The following OPCML variants were observed in gnomAD, a reference collection of about 807,000 sequenced individuals.
The protein encoded by OPCML is opioid-binding protein/cell adhesion molecule.
Under a neutral mutation model 37.8 loss-of-function variants are expected in OPCML, and 13 were observed. The ratio of observed to expected loss-of-function variants is 0.34; its 90% CI spans 0.22 to 0.55. The LOEUF is 0.55. Among genes scored for constraint, OPCML ranks in the 20% least tolerant of loss-of-function variants. The pLI, the probability that OPCML is intolerant of heterozygous loss-of-function variation, is 0.91. For synonymous variants in OPCML, 176 were observed against 168.8 expected (o/e 1.04, Z -0.33); for missense variants, 341 against 435.6 (o/e 0.78, Z 1.93).
intron 2 of OPCML, among the ~76,000 whole-genome samples, chr11:132,661,255 A>C (rs538507227): frequency 6.6e-6 from 1 of 152,270 alleles, no homozygotes; most frequent in African/African-American, 2.4e-5. Flanking sequence ...ACTGAGTAAA[A>C]GCCATCTCTC....
chr11:133,373,832 C>T (rs917948895), intron 1 of OPCML, among the ~76,000 whole-genome samples: 1 of 152,086 alleles, frequency 6.6e-6, no homozygotes, highest in East Asian at 1.9e-4. Context: ...TATATAAACT[C>T]ACTGTCATTG....
intron 3 of OPCML, among the ~76,000 whole-genome samples, chr11:132,648,923 C>T (rs1056585573): frequency 4.6e-5 from 7 of 152,062 alleles, no homozygotes; most frequent in African/African-American, 1.4e-4. Flanking sequence ...TATAAGTGTC[C>T]GAGGAGAAAT....
At chr11:132,454,008 T>C (rs1184608944) in intron 4 of OPCML, among the ~76,000 whole-genome samples, 1 of 152,198 alleles carries the variant, frequency 6.6e-6, no homozygotes, top group Non-Finnish European at 1.5e-5. Context: ...ATTTTCATGT[T>C]TTGCCTTCTC....
At chr11:132,884,898 G>C (rs75820308) in intron 2 of OPCML, among the ~76,000 whole-genome samples, 4 of 152,152 alleles carry the variant, frequency 2.6e-5, no homozygotes, top group African/African-American at 9.7e-5. Flanking sequence ...ATAGGAGACC[G>C]TTGCCAAAAA....
chr11:133,187,838 A>G (rs1938154235), intron 1 of OPCML, among the ~76,000 whole-genome samples: 2 of 152,208 alleles, frequency 1.3e-5, no homozygotes, highest in South Asian at 2.1e-4. Flanking sequence ...TACAGATGGA[A>G]CTGTCACATG....
intron 1 of OPCML, among the ~76,000 whole-genome samples, chr11:133,474,085 A>C (rs1169102638): frequency 3.3e-5 from 5 of 152,174 alleles, no homozygotes; most frequent in Admixed American, 2.0e-4. Context: ...ATTTTTTCCT[A>C]CTTGTTATTT....
intron 1 of OPCML, among the ~76,000 whole-genome samples, chr11:133,037,818 A>G: frequency 6.6e-6 from 1 of 152,218 alleles, no homozygotes; most frequent in East Asian, 1.9e-4. Flanking sequence ...AAAAGGGCCA[A>G]GACTTTAAAT....
chr11:132,959,530 A>ATC (rs1946044995), intron 1 of OPCML, among the ~76,000 whole-genome samples: 2 of 152,332 alleles, frequency 1.3e-5, no homozygotes, highest in South Asian at 4.2e-4. Flanking sequence ...CTACAGAGCA[A>ATC]TCTTTCGGGA....
rs1358627656 is a variant in OPCML at position 132,640,298 on chromosome 11, C to CAAA, written c.379+16786_379+16788dup. Reference sequence around the variant, plus strand: ...AGTGCGTGGCTTGGTAGGATGGAAGCAAAAATTAGGAACCCCGGGATAAGC... The same window carrying CAAA: ...AGTGCGTGGCTTGGTAGGATGGAAGCAAAAAAAATTAGGAACCCCGGGATAAGC... On this transcript the variant is annotated intron_variant, in intron 3 of 7. Coordinates refer to ENST00000524381, the MANE Select transcript of OPCML (RefSeq NM_001012393.5). 3.0e-3 allele frequency among the ~76,000 whole-genome samples: 457 copies of CAAA among 151,494 alleles called. 8 individuals carry two copies. The South Asian group carries it at 0.033, about 11-fold the overall frequency.
chr11:132,554,196 C>A (rs148842895), intron 3 of OPCML, among the ~76,000 whole-genome samples: 1 of 152,206 alleles, frequency 6.6e-6, no homozygotes, highest in Non-Finnish European at 1.5e-5. Context: ...ATTCCGATTT[C>A]CTTCACCCCA....
At chr11:132,658,594 C>T (rs1013955065) in intron 2 of OPCML, among the ~76,000 whole-genome samples, 11 of 152,318 alleles carry the variant, frequency 7.2e-5, no homozygotes, top group South Asian at 6.2e-4. Context: ...TACCAGCTTC[C>T]GGTCACCCAG....
In OPCML at chr11:132,841,658, C is replaced by T. The variant is rs777628396; in HGVS notation, c.146+101268G>A. Among the ~76,000 whole-genome samples the T allele has an allele frequency of 1.2e-3, 181 of 151,884 alleles. 6 individuals are homozygous for T. The highest frequency in any genetic ancestry group is 3.4e-3 in the Middle Eastern group (1 of 294). On this transcript the variant is annotated intron_variant, in intron 2 of 7. Coordinates refer to ENST00000524381, the MANE Select transcript of OPCML (RefSeq NM_001012393.5). Reference sequence around the variant, plus strand: ...CAGCATGTTGGGAGGTCAAGGAGTTCGAGACCAGCCTGGCCAACATGGTGA... The same window carrying T: ...CAGCATGTTGGGAGGTCAAGGAGTTTGAGACCAGCCTGGCCAACATGGTGA...
chr11:133,496,811 A>C (rs1202190540), intron 1 of OPCML, among the ~76,000 whole-genome samples: 3 of 152,288 alleles, frequency 2.0e-5, no homozygotes, highest in African/African-American at 4.8e-5. Context: ...AGGAGTCCTT[A>C]GGGTTTTCAA....
chr11:132,533,870 A>G (rs753025282), intron 3 of OPCML, among the ~76,000 whole-genome samples: 9 of 152,292 alleles, frequency 5.9e-5, no homozygotes, highest in Admixed American at 3.3e-4. Context: ...TCTTCCCAAG[A>G]CAATCTTGTT....
intron 2 of OPCML, among the ~76,000 whole-genome samples, chr11:132,903,397 C>G (rs895030264): frequency 1.3e-5 from 2 of 152,194 alleles, no homozygotes; most frequent in Non-Finnish European, 2.9e-5. Flanking sequence ...CCCTGAGAAG[C>G]CAGACATTAC....
chr11:132,990,238 G>C (rs914500072), intron 1 of OPCML, among the ~76,000 whole-genome samples: 2 of 152,198 alleles, frequency 1.3e-5, no homozygotes, highest in African/African-American at 4.8e-5. Flanking sequence ...CGTGCACCGA[G>C]TCCTTTGTGT....
intron 4 of OPCML, among the ~76,000 whole-genome samples, chr11:132,467,728 G>A (rs1348812004): frequency 6.6e-6 from 1 of 152,214 alleles, no homozygotes; most frequent in Non-Finnish European, 1.5e-5. Context: ...TTCTGGGTCA[G>A]AAGGAAAGGG....
chr11:132,884,375 C>T (rs1318308721), intron 2 of OPCML, among the ~76,000 whole-genome samples: 1 of 152,146 alleles, frequency 6.6e-6, no homozygotes, highest in Non-Finnish European at 1.5e-5. Context: ...AATGAGGCAA[C>T]TGTCTGTGGT....
intron 3 of OPCML, among the ~76,000 whole-genome samples, chr11:132,556,206 G>T (rs1354392971): frequency 1.3e-5 from 2 of 152,188 alleles, no homozygotes; most frequent in East Asian, 3.9e-4. Flanking sequence ...GCCTCCCAAA[G>T]TGTTGGGATC....
Sources: gnomAD v4.1 joint callset for allele counts (sites outside exome capture counted in the v4.1 genomes callset) on GRCh38, gnomAD v4.1.1 for gene constraint, MANE v1.5 for transcripts, NCBI Gene and HGNC (gene_info 2026-07-23, HGNC 2026-07-21) for gene names.